ABCA10: variants seen among roughly 807,000 people sequenced by gnomAD.
ABCA10 encodes the protein ATP-binding cassette sub-family A member 10.
ABCA10 carries 169 observed loss-of-function variants against 187.5 expected under a neutral mutation model. The ratio of observed to expected loss-of-function variants is 0.90; its 90% CI spans 0.80 to 1.02. The LOEUF (loss-of-function observed/expected upper bound fraction) is 1.02, where lower values mean the gene tolerates loss of function less well. Among genes scored for constraint, ABCA10 ranks in the 50% least tolerant of loss-of-function variants. The probability of loss-of-function intolerance (pLI) is 0.00; values close to 1 mark genes in which losing one functional copy is unlikely to be tolerated. For missense variants in ABCA10, 1,727 were observed against 1,812.4 expected, an observed-to-expected ratio of 0.95 and a Z score of 0.86; for synonymous variants, 574 against 601.8, an observed-to-expected ratio of 0.95 and a Z score of 0.68.
At chr17:69,176,151 G>T (rs764519425) in intron 22 of ABCA10, among the ~76,000 whole-genome samples, 1 of 152,138 alleles carries the variant, frequency 6.6e-6, no homozygotes, top group Admixed American at 6.5e-5. Context: ...GGGAGCTACA[G>T]TTATCATATC....
intron 25 of ABCA10, among the ~76,000 whole-genome samples, chr17:69,166,105 T>C (rs2074253139): frequency 6.6e-6 from 1 of 152,166 alleles, no homozygotes; most frequent in Non-Finnish European, 1.5e-5. Flanking sequence ...CTCATGTTGC[T>C]ACTGTGATGA....
At chr17:69,235,609 G>A (rs1045301883) in intron 1 of ABCA10, among the ~76,000 whole-genome samples, 1 of 151,818 alleles carries the variant, frequency 6.6e-6, no homozygotes, top group African/African-American at 2.4e-5. Flanking sequence ...ACCCCTTTCT[G>A]GGACCAGAAA....
intron 17 of ABCA10, 31 bp downstream of exon 17, chr17:69,191,145 A>G (rs765872235): frequency 2.6e-6 from 4 of 1,547,550 alleles, no homozygotes; most frequent in Non-Finnish European, 2.6e-6. Flanking sequence ...GAACACTTAC[A>G]TATATTCTAT....
At chr17:69,152,891 T>G (rs901310028) in intron 34 of ABCA10, among the ~76,000 whole-genome samples, 1 of 152,144 alleles carries the variant, frequency 6.6e-6, no homozygotes, top group African/African-American at 2.4e-5. Flanking sequence ...TTATATTGCC[T>G]AATGATAGTA....
Position 69,191,198 on chromosome 17 carries a change from C to A in ABCA10, c.1989G>T (p.Leu663Phe). The change falls in exon 17 of 39, where the codon TTG (leucine) becomes TTT (phenylalanine). Residue 663 changes from leucine to phenylalanine, a missense_variant. By Grantham distance (22) the Leu-to-Phe change is conservative. Transcript: ENST00000690296. ...TACCTGGAAATTTGTTCGTTTTTTC[C>A]AAAGGCAAACTATATACAAGTTTTT... is the stretch of plus-strand genomic sequence containing the variant. Reference protein sequence around the residue: ...SEEKLVYSLPLEKTNKFPDLY... With the variant: ...SEEKLVYSLPFEKTNKFPDLY... 1.3e-6 allele frequency: 2 copies of A among 1,591,232 alleles called. No homozygotes were observed. The highest frequency in any genetic ancestry group is 1.1e-5 in the South Asian group (1 of 86,990).
chr17:69,231,069 T>C (rs987031717), upstream of ABCA10, among the ~76,000 whole-genome samples: 8 of 152,098 alleles, frequency 5.3e-5, no homozygotes, highest in African/African-American at 1.9e-4. Context: ...TACCACAAAC[T>C]GGGTACCTTA....
chr17:69,234,008 T>C (rs186353395), intron 1 of ABCA10: 2 of 152,690 alleles, frequency 1.3e-5, no homozygotes, highest in Non-Finnish European at 1.5e-5. Flanking sequence ...AGTTCATTGA[T>C]TGTAGCAGGT....
At chr17:69,155,985 T>C in intron 28 of ABCA10, 60 bp from the exon 29 acceptor site, 1 of 1,517,300 alleles carries the variant, frequency 6.6e-7, no homozygotes, top group South Asian at 1.2e-5. Context: ...GTTAAGAAAA[T>C]GTAAACCCCT....
chr17:69,174,789 T>C lies in ABCA10; in HGVS notation c.2878-12A>G, dbSNP rs2074322543. ...GATTGAACATTTTTCTGACAAAGAA[T>C]AGAAGGGATAGAGGAAGGGATCTTA... On this transcript the variant is annotated splice_polypyrimidine_tract_variant and intron_variant, in intron 23 of 38. Transcript: ENST00000690296. The C allele has an allele frequency of 1.9e-6, 3 of 1,561,886 alleles. No individual in the cohort carries two copies. The highest frequency in any genetic ancestry group is 4.5e-5 in the East Asian group (2 of 44,606).
intron 10 of ABCA10, among the ~76,000 whole-genome samples, chr17:69,197,507 C>T (rs1243865458): frequency 1.3e-5 from 2 of 152,120 alleles, no homozygotes; most frequent in African/African-American, 2.4e-5. Context: ...ATAATCTTTA[C>T]TCCCTATTTC....
At chr17:69,174,438 C>A in intron 24 of ABCA10, 44 bp from the exon 25 acceptor site, 1 of 1,510,916 alleles carries the variant, frequency 6.6e-7, no homozygotes, top group South Asian at 1.2e-5. Flanking sequence ...AATGGCAGGT[C>A]ATAGAGGGAA....
chr17:69,235,857 T>C (rs2074866521), intron 1 of ABCA10, among the ~76,000 whole-genome samples: 2 of 152,194 alleles, frequency 1.3e-5, no homozygotes, highest in African/African-American at 4.8e-5. Flanking sequence ...CTTGACACTG[T>C]CACATTTCAG....
intron 4 of ABCA10, 42 bp downstream of exon 4, chr17:69,222,491 G>A: frequency 6.9e-7 from 1 of 1,445,048 alleles, no homozygotes; most frequent in Non-Finnish European, 9.2e-7. Flanking sequence ...GGGATTCCAT[G>A]AAGTATCAAA....
intron 4 of ABCA10, 30 bp from the exon 5 acceptor site, chr17:69,221,925 G>A: frequency 6.7e-7 from 1 of 1,498,946 alleles, no homozygotes; most frequent in Middle Eastern, 1.7e-4. Flanking sequence ...CATGTCCATA[G>A]TTATATAATG....
chr17:69,176,582 A>G (rs2074335480), intron 22 of ABCA10, among the ~76,000 whole-genome samples: 1 of 152,094 alleles, frequency 6.6e-6, no homozygotes, highest in East Asian at 1.9e-4. Context: ...CATCAGTGTA[A>G]GGGAAGGGTA....
At chr17:69,214,565 T>C (rs2074688355) in intron 9 of ABCA10, 139 bp downstream of exon 9, 1 of 719,270 alleles carries the variant, frequency 1.4e-6, no homozygotes, top group South Asian at 3.2e-5. Flanking sequence ...AAAATGGAAA[T>C]GAGGAAATTC....
intron 1 of ABCA10, chr17:69,244,344 T>C (rs541181881): frequency 1.3e-5 from 2 of 152,230 alleles, no homozygotes; most frequent in South Asian, 4.1e-4. Context: ...ATTTTTAATA[T>C]GAGCTACTCA....
rs558641082 is a variant in ABCA10, at chr17:69,191,161, T to G, written c.2011+15A>C. The G allele has an allele frequency of 6.3e-7, 1 of 1,579,430 alleles. No homozygotes were observed. The highest frequency in any genetic ancestry group is 1.2e-5 in the South Asian group (1 of 85,086). On this transcript the variant is annotated intron_variant, in intron 17 of 38. Coordinates refer to ENST00000690296, the MANE Select transcript of ABCA10 (RefSeq NM_001377321.1). ...AACACTTACATATATTCTATGTGAT[T>G]ACACAGTAAGTTACCTGGAAATTTG...
intron 9 of ABCA10, among the ~76,000 whole-genome samples, chr17:69,201,944 G>C (rs935585147): frequency 5.3e-5 from 8 of 152,042 alleles, no homozygotes; most frequent in Admixed American, 2.0e-4. Context: ...CACCACGCCC[G>C]GCTAACTTTT....
Sources: allele counts gnomAD v4.1 joint callset (sites outside exome capture counted in the v4.1 genomes callset), GRCh38; gene constraint gnomAD v4.1.1; transcripts MANE v1.5; gene names NCBI Gene and HGNC (gene_info 2026-07-23, HGNC 2026-07-21).